Variants in ITPR2 observed in about 807,000 individuals in gnomAD.
ITPR2 encodes inositol 1,4,5-trisphosphate-gated calcium channel ITPR2.
ITPR2 carries 207 observed loss-of-function variants against 317.1 expected under a neutral mutation model. The ratio of observed to expected loss-of-function variants is 0.65; its 90% CI spans 0.58 to 0.73. The LOEUF is 0.73. Among genes scored for constraint, ITPR2 ranks in the 30% least tolerant of loss-of-function variants. The probability of loss-of-function intolerance (pLI) is 0.00; values close to 1 mark genes in which losing one functional copy is unlikely to be tolerated. For missense variants in ITPR2, 2,613 were observed against 3,284.0 expected (o/e 0.80, Z 4.99); for synonymous variants, 1,156 against 1,149.1 (o/e 1.01, Z -0.12).
intron 2 of ITPR2, among the ~76,000 whole-genome samples, chr12:26,789,442 T>C (rs1218041764): frequency 6.6e-6 from 1 of 152,204 alleles, no homozygotes; most frequent in Admixed American, 6.5e-5. Flanking sequence ...TAAGGCCGTT[T>C]TTCACCATTA....
At chr12:26,546,803 G>T (rs1474096116) in intron 37 of ITPR2, among the ~76,000 whole-genome samples, 1 of 152,104 alleles carries the variant, frequency 6.6e-6, no homozygotes, top group African/African-American at 2.4e-5. Context: ...TTACACTGGG[G>T]AAAGAACACC....
chr12:26,506,316 C>G (rs939497141), intron 37 of ITPR2, among the ~76,000 whole-genome samples: 1 of 151,522 alleles, frequency 6.6e-6, no homozygotes, highest in African/African-American at 2.4e-5. Context: ...TACGACTGGC[C>G]TGGGAAACTT....
intron 32 of ITPR2, among the ~76,000 whole-genome samples, chr12:26,583,316 C>T (rs1309878576): frequency 6.6e-6 from 1 of 152,098 alleles, no homozygotes; most frequent in Non-Finnish European, 1.5e-5. Flanking sequence ...GCCCTGTAAA[C>T]CATTTTCCAA....
Position 26,597,099 on chromosome 12 carries a change from G to A in ITPR2, c.4038C>T (p.Tyr1346=). ...GGATTGGAAATGATGCTCTATCATT[G>A]TAAAATATCAGCACGTCTTCACCCC... ...INGGEDVLIF[Y]NDRASFPILL... The change falls in exon 31 of 57, where the codon TAC becomes TAT. Residue 1346 remains tyrosine, a synonymous_variant. Transcript: ENST00000381340. 2 of 1,613,790 alleles carry A rather than the reference G, an allele frequency of 1.2e-6. No homozygotes were observed. The highest frequency in any genetic ancestry group is 1.7e-6 in the Non-Finnish European group (2 of 1,179,818).
At position 26,356,428 on chromosome 12, in the gene ITPR2, C is replaced by T. The variant is rs771544007; in HGVS notation, c.7858-16100G>A. Among the ~76,000 whole-genome samples the T allele has an allele frequency of 1.1e-4, 17 of 152,108 alleles. 1 individual carries two copies. Among genetic ancestry groups the T allele is most frequent in the Admixed American group, 1.3e-4 (2 of 15,280 alleles). ...GGAATTCCCAGGAGACAAGTGAGAC[C>T]GAAAGAATACGGTATGCTCTAATTC... On this transcript the variant is annotated intron_variant, in intron 55 of 56. Coordinates refer to ENST00000381340, the MANE Select transcript of ITPR2 (RefSeq NM_002223.4).
chr12:26,649,786 T>C (rs1947199932), intron 21 of ITPR2, among the ~76,000 whole-genome samples: 1 of 128,956 alleles, frequency 7.8e-6, no homozygotes, highest in African/African-American at 3.0e-5. Flanking sequence ...GATAGATAGA[T>C]AGATAGATAG....
chr12:26,772,435 C>CATGTATTATATATATTATATATATAATA (rs1565751821), intron 2 of ITPR2, among the ~76,000 whole-genome samples: 5 of 81,448 alleles, frequency 6.1e-5, no homozygotes, highest in African/African-American at 1.8e-4. Flanking sequence ...ATATATAATA[C>CATGTATTATATATATTATATATATAATA]ATGTATTATA....
At chr12:26,348,928 T>G (rs1938391839) in intron 55 of ITPR2, among the ~76,000 whole-genome samples, 1 of 152,092 alleles carries the variant, frequency 6.6e-6, no homozygotes, top group Non-Finnish European at 1.5e-5. Context: ...ATTAACTGGG[T>G]GTGGTGGTGT....
In ITPR2 at chr12:26,495,184, G is replaced by A; in HGVS notation, c.5150C>T (p.Ser1717Leu). 6.2e-7 allele frequency: 1 copy of A among 1,607,758 alleles called. No individual in the cohort carries two copies. The highest frequency in any genetic ancestry group is 8.5e-7 in the Non-Finnish European group (1 of 1,174,208). ...DYSIGVNGHL[S>L]GAYSKTAQVG... ...CTGTGCAGTTTTGGAGTAGGCTCCT[G>A]ATAGGTGTCCATTCACACCAATACT... is the stretch of plus-strand genomic sequence containing the variant. The change falls in exon 38 of 57, where the codon TCA (serine) becomes TTA (leucine). Residue 1717 changes from serine (S) to leucine (L), a missense_variant. Physicochemically the swap from Ser to Leu is moderately radical, Grantham distance 145. Transcript: ENST00000381340.
chr12:26,595,384 C>T (rs1323257793), intron 32 of ITPR2, 81 bp downstream of exon 32: 3 of 1,338,592 alleles, frequency 2.2e-6, no homozygotes, highest in South Asian at 2.7e-5. Flanking sequence ...GTGAATTTAA[C>T]TGCAAGTTTT....
chr12:26,466,426 G>A (rs922158259), intron 45 of ITPR2, among the ~76,000 whole-genome samples: 3 of 152,114 alleles, frequency 2.0e-5, no homozygotes, highest in Non-Finnish European at 2.9e-5. Flanking sequence ...CCAAGGCCTC[G>A]GGTATACTTA....
At chr12:26,671,306 T>C (rs913526505) in intron 13 of ITPR2, among the ~76,000 whole-genome samples, 8 of 151,290 alleles carry the variant, frequency 5.3e-5, no homozygotes, top group Admixed American at 6.6e-5. Flanking sequence ...AGAGAAAGGT[T>C]GGGTTACCCA....
chr12:26,536,335 G>C (rs1299476431), intron 37 of ITPR2, among the ~76,000 whole-genome samples: 1 of 152,136 alleles, frequency 6.6e-6, no homozygotes, highest in Non-Finnish European at 1.5e-5. Flanking sequence ...TTCTCAGGAG[G>C]AACAGCCCCT....
Position 26,481,376 on chromosome 12 carries a change from G to C in ITPR2, c.6013-135C>G, listed in dbSNP as rs914781498. On this transcript the variant is annotated intron_variant, in intron 42 of 56. Coordinates refer to ENST00000381340, the MANE Select transcript of ITPR2 (RefSeq NM_002223.4). ...AGGTAAGATTTACCTTTGAGCATTT[G>C]ACTTATTCTTTTGTATAGGGTCTGG... 8.6e-6 allele frequency: 5 copies of C among 581,036 alleles called. No homozygotes were observed. The African/African-American group carries it at 9.4e-5, about 11-fold the overall frequency. The allele number at this position is 581,036 out of a possible 1,614,324, so 36.0% of individuals were successfully genotyped here. A position where few individuals can be genotyped will look rare whatever the true frequency, so the allele number is the denominator to read the frequency against.
intron 54 of ITPR2, among the ~76,000 whole-genome samples, chr12:26,393,974 T>A (rs1029751789): frequency 6.6e-6 from 1 of 152,122 alleles, no homozygotes; most frequent in Non-Finnish European, 1.5e-5. Flanking sequence ...AGCAAATATT[T>A]ATGGATATTC....
At chr12:26,827,181 A>G (rs993435071) in intron 1 of ITPR2, among the ~76,000 whole-genome samples, 1 of 152,224 alleles carries the variant, frequency 6.6e-6, no homozygotes, top group African/African-American at 2.4e-5. Context: ...GCAATTGTCC[A>G]TAAGTCAATA....
chr12:26,813,049 T>G (rs569307880), intron 1 of ITPR2, among the ~76,000 whole-genome samples: 53 of 152,354 alleles, frequency 3.5e-4, no homozygotes, highest in African/African-American at 1.2e-3. Flanking sequence ...GCAAAAAGCT[T>G]ACTTTGACTT....
chr12:26,662,206 T>C (rs11615823), intron 15 of ITPR2, among the ~76,000 whole-genome samples: 2,997 of 152,266 alleles, frequency 0.02, 34 homozygotes, highest in South Asian at 0.031. Context: ...CTTTTTTTCT[T>C]CCCCAAAAAT....
Position 26,772,949 on chromosome 12 carries a change from G to A in ITPR2, c.163+17208C>T, listed in dbSNP as rs148878134. Among the ~76,000 whole-genome samples the A allele has an allele frequency of 1.5e-3, 222 of 151,424 alleles. 1 individual carries two copies. Among genetic ancestry groups the A allele is most frequent in the Non-Finnish European group, 2.8e-3 (188 of 67,812 alleles). The stretch of plus-strand genomic sequence containing the variant: ...GCCCCAGTATGTGATTTTCCCCTCC[G>A]TGTGTCCATGTGTTCTCATTGTTCA... On this transcript the variant is annotated intron_variant, in intron 2 of 56. Coordinates refer to ENST00000381340, the MANE Select transcript of ITPR2 (RefSeq NM_002223.4).
Sources: allele counts gnomAD v4.1 joint callset (sites outside exome capture counted in the v4.1 genomes callset), GRCh38; gene constraint gnomAD v4.1.1; transcripts MANE v1.5; gene names NCBI Gene and HGNC (gene_info 2026-07-23, HGNC 2026-07-21).